The following BTBD9 variants were observed in gnomAD, a reference collection of about 807,000 sequenced individuals.
BTBD9 encodes BTB domain containing 9, also known as BTB/POZ domain-containing protein 9.
In BTBD9, 49 loss-of-function variants were observed where a neutral mutation model predicts 64.3. That is an observed-to-expected ratio of 0.76 (90% confidence interval 0.61 to 0.97). The LOEUF (loss-of-function observed/expected upper bound fraction) is 0.97. Ranked by LOEUF, BTBD9 falls within the 50% of genes least tolerant of loss-of-function variation. The pLI is 0.00. For missense variants in BTBD9, 598 were observed against 762.1 expected, an observed-to-expected ratio of 0.78 and a Z score of 2.53; for synonymous variants, 260 against 274.7, an observed-to-expected ratio of 0.95 and a Z score of 0.53.
chr6:38,512,277 C>T (rs1772811148), intron 6 of BTBD9, among the ~76,000 whole-genome samples: 1 of 152,090 alleles, frequency 6.6e-6, no homozygotes, highest in African/African-American at 2.4e-5. Flanking sequence ...CCGGCCACTA[C>T]TATGTTTTAA....
At chr6:38,374,382 G>A (rs1391974146) in intron 6 of BTBD9, among the ~76,000 whole-genome samples, 3 of 136,470 alleles carry the variant, frequency 2.2e-5, no homozygotes, top group Middle Eastern at 3.8e-3. Flanking sequence ...GCACCGAAAA[G>A]TTACATTCTG....
chr6:38,603,316 C>A (rs1777321390), intron 1 of BTBD9, among the ~76,000 whole-genome samples: 1 of 152,328 alleles, frequency 6.6e-6, no homozygotes, highest in South Asian at 2.1e-4. Context: ...AGTTAACTTT[C>A]ATGAATTCAA....
chr6:38,334,654 TAAAACAAAAC>T (rs150876258), intron 7 of BTBD9, among the ~76,000 whole-genome samples: 42 of 135,546 alleles, frequency 3.1e-4, no homozygotes, highest in Middle Eastern at 3.6e-3. Context: ...TAAAATAAAA[TAAAACAAAAC>T]AAAACAAAAC....
At chr6:38,445,223 G>A (rs1463004983) in intron 6 of BTBD9, among the ~76,000 whole-genome samples, 1 of 152,088 alleles carries the variant, frequency 6.6e-6, no homozygotes. Flanking sequence ...TTTTTAGAGT[G>A]GTCTATAACT....
chr6:38,222,861 A>G (rs1353809610), intron 9 of BTBD9, among the ~76,000 whole-genome samples: 2 of 152,204 alleles, frequency 1.3e-5, no homozygotes, highest in Non-Finnish European at 2.9e-5. Flanking sequence ...CTGGCATCCT[A>G]TTCCAGAAGT....
chr6:38,224,913 G>A (rs1307809432), intron 9 of BTBD9, among the ~76,000 whole-genome samples: 1 of 152,228 alleles, frequency 6.6e-6, no homozygotes, highest in East Asian at 1.9e-4. Flanking sequence ...GTATGATGTT[G>A]CAGTTCTATA....
chr6:38,210,945 G>A (rs1408668469), intron 9 of BTBD9, among the ~76,000 whole-genome samples: 1 of 152,124 alleles, frequency 6.6e-6, no homozygotes, highest in Non-Finnish European at 1.5e-5. Context: ...AACACCAAGT[G>A]GGTCACACAC....
intron 6 of BTBD9, among the ~76,000 whole-genome samples, chr6:38,451,241 A>G (rs1769529690): frequency 6.6e-6 from 1 of 152,176 alleles, no homozygotes; most frequent in Non-Finnish European, 1.5e-5. Flanking sequence ...TTTTATTCTC[A>G]TTGCCCAGAC....
chr6:38,498,457 TAAA>T (rs11393821), intron 6 of BTBD9, among the ~76,000 whole-genome samples: 3 of 132,658 alleles, frequency 2.3e-5, no homozygotes, highest in Admixed American at 1.5e-4. Flanking sequence ...TATCTAGTAC[TAAA>T]AAAAAAAAAA....
intron 6 of BTBD9, among the ~76,000 whole-genome samples, chr6:38,562,300 A>C (rs1351600180): frequency 6.6e-6 from 1 of 152,204 alleles, no homozygotes; most frequent in East Asian, 1.9e-4. Flanking sequence ...CCGTTTAATC[A>C]GTATTTAAAC....
At chr6:38,354,283 G>C (rs1395553982) in intron 6 of BTBD9, among the ~76,000 whole-genome samples, 1 of 152,034 alleles carries the variant, frequency 6.6e-6, no homozygotes. Context: ...TAAAATAAAA[G>C]CTAATCACTT....
chr6:38,303,535 T>C (rs73730928), intron 7 of BTBD9, among the ~76,000 whole-genome samples: 9,482 of 152,024 alleles, frequency 0.062, 825 homozygotes, highest in East Asian at 0.4. Context: ...ATATCCTCTG[T>C]AGACAGCTTG....
At chr6:38,447,740 T>C (rs1562200268) in intron 6 of BTBD9, among the ~76,000 whole-genome samples, 2 of 152,230 alleles carry the variant, frequency 1.3e-5, no homozygotes, top group South Asian at 2.1e-4. Flanking sequence ...CTTCCTTCTT[T>C]TTCCCTATTC....
chr6:38,434,233 C>T (rs1018027637), intron 6 of BTBD9, among the ~76,000 whole-genome samples: 11 of 151,954 alleles, frequency 7.2e-5, no homozygotes, highest in African/African-American at 2.4e-4. Context: ...TTTCTCCCAA[C>T]CCTGAAGAGA....
chr6:38,567,670 C>A (rs1775583213), intron 6 of BTBD9, among the ~76,000 whole-genome samples: 2 of 152,168 alleles, frequency 1.3e-5, no homozygotes, highest in Non-Finnish European at 2.9e-5. Context: ...TGGCAGCCGA[C>A]AAGCAATCTG....
chr6:38,245,300 C>T (rs555463822), intron 9 of BTBD9, among the ~76,000 whole-genome samples: 2 of 152,336 alleles, frequency 1.3e-5, no homozygotes, highest in East Asian at 3.9e-4. Context: ...GGGGATAACA[C>T]AGTGATTTGA....
At chr6:38,284,002 C>G (rs769942551) in intron 8 of BTBD9, among the ~76,000 whole-genome samples, 21 of 152,210 alleles carry the variant, frequency 1.4e-4, no homozygotes, top group Non-Finnish European at 2.8e-4. Flanking sequence ...CTAACTGAAG[C>G]CTGCCAAGAT....
intron 9 of BTBD9, among the ~76,000 whole-genome samples, chr6:38,213,488 C>T (rs1762903737): frequency 6.6e-6 from 1 of 152,092 alleles, no homozygotes; most frequent in Non-Finnish European, 1.5e-5. Context: ...AATATGAGTT[C>T]TGTAATAAAA....
At chr6:38,436,225 C>A (rs937345948) in intron 6 of BTBD9, among the ~76,000 whole-genome samples, 3 of 151,726 alleles carry the variant, frequency 2.0e-5, no homozygotes, top group Admixed American at 6.6e-5. Flanking sequence ...TGAGGAACAC[C>A]CAAAAAGACA....
Sources: allele counts gnomAD v4.1 joint callset (sites outside exome capture counted in the v4.1 genomes callset), GRCh38; gene constraint gnomAD v4.1.1; transcripts MANE v1.5; gene names NCBI Gene and HGNC (gene_info 2026-07-23, HGNC 2026-07-21).